Variants in MRC1 observed in about 807,000 individuals in gnomAD.
MRC1 encodes the protein mannose receptor C-type 1.
MRC1 carries 62 observed loss-of-function variants against 102.9 expected under a neutral mutation model. That is an observed-to-expected ratio of 0.60 (90% confidence interval 0.49 to 0.74). The LOEUF (loss-of-function observed/expected upper bound fraction) is 0.74. Among genes scored for constraint, MRC1 ranks in the 30% least tolerant of loss-of-function variants. The pLI, the probability that MRC1 is intolerant of heterozygous loss-of-function variation, is 0.00. For synonymous variants in MRC1, 457 were observed against 298.4 expected (o/e 1.53, Z -5.48); for missense variants, 1,237 against 862.8 (o/e 1.43, Z -5.43).
intron 4 of MRC1, among the ~76,000 whole-genome samples, chr10:17,834,324 C>T (rs1838627780): frequency 1.3e-5 from 2 of 152,196 alleles, no homozygotes; most frequent in Admixed American, 6.5e-5. Context: ...TCCTGTCCCT[C>T]GAACCCCCAG....
intron 28 of MRC1, 100 bp from the exon 29 acceptor site, chr10:17,909,206 T>C: frequency 1.4e-6 from 1 of 730,352 alleles, no homozygotes; most frequent in Non-Finnish European, 2.5e-6. Context: ...TCAACACACA[T>C]CAAATGTGGA....
In MRC1 at chr10:17,900,884, G is replaced by A. The variant is rs1011252542; in HGVS notation, c.3580G>A (p.Asp1194Asn). Residue 1194 changes from aspartate to asparagine, a missense_variant, in exon 25 of 30, where the codon GAT becomes AAT. Transcript: ENST00000569591. ...PKLKSACVYL[D>N]LDGYWKTAHC... ...ATTGAAATCAGCATGTGTTTATCTG[G>A]ATCTTGATGGCTACTGGAAGACAGC... 365 of 780,788 alleles carry A rather than the reference G, an allele frequency of 4.7e-4. No individual in the cohort carries two copies. Among genetic ancestry groups the A allele is most frequent in the Non-Finnish European group, 7.4e-4 (311 of 417,946 alleles). The allele number at this position is 780,788 out of a possible 1,614,324, so 48.4% of individuals were successfully genotyped here. A position where few individuals can be genotyped will look rare whatever the true frequency, so the allele number is the denominator to read the frequency against.
At chr10:17,871,221 T>G (rs918198119) in intron 14 of MRC1, among the ~76,000 whole-genome samples, 3,128 of 152,278 alleles carry the variant, frequency 0.021, 95 homozygotes, top group African/African-American at 0.071. Context: ...TGGCACGTGC[T>G]GGCAATATTT....
chr10:17,903,978 A>T (rs1431582877), intron 26 of MRC1, among the ~76,000 whole-genome samples: 2 of 152,114 alleles, frequency 1.3e-5, no homozygotes, highest in Non-Finnish European at 2.9e-5. Context: ...TCTGGTTCAT[A>T]TTAATATACA....
At chr10:17,879,863 G>A (rs782291171) in intron 19 of MRC1, 42 bp downstream of exon 19, 10 of 780,684 alleles carry the variant, frequency 1.3e-5, no homozygotes, top group Admixed American at 3.4e-5. Flanking sequence ...GTGGCGTGGC[G>A]TGTCATTTGC....
intron 1 of MRC1, among the ~76,000 whole-genome samples, 196 bp from the exon 2 acceptor site, chr10:17,822,878 T>C (rs1016823469): frequency 6.6e-5 from 10 of 152,060 alleles, no homozygotes; most frequent in African/African-American, 9.7e-5. Flanking sequence ...CAGTCCAGGT[T>C]CTCCTTCCAG....
At chr10:17,909,610 G>A (rs1833942536) in intron 29 of MRC1, among the ~76,000 whole-genome samples, 2 of 151,264 alleles carry the variant, frequency 1.3e-5, no homozygotes, top group African/African-American at 2.4e-5. Flanking sequence ...TGAACCCATG[G>A]AAGAAATTTC....
At chr10:17,867,295 GTTCCTTC>G (rs1376092351) in intron 12 of MRC1, among the ~76,000 whole-genome samples, 4 of 118,216 alleles carry the variant, frequency 3.4e-5, no homozygotes, top group South Asian at 2.7e-4. Flanking sequence ...TTCTTTCTTC[GTTCCTTC>G]TTCCTTCTTC....
chr10:17,877,407 A>C (rs1299585276), intron 17 of MRC1, among the ~76,000 whole-genome samples: 2 of 149,926 alleles, frequency 1.3e-5, no homozygotes, highest in African/African-American at 4.9e-5. Context: ...CCTCCCAAGT[A>C]GCTGGGACTA....
At chr10:17,904,890 C>CT (rs1833876188) in intron 26 of MRC1, among the ~76,000 whole-genome samples, 1 of 152,184 alleles carries the variant, frequency 6.6e-6, no homozygotes, top group African/African-American at 2.4e-5. Context: ...ATCCCATTCC[C>CT]TAGCTTTTCC....
chr10:17,880,135 T>C (rs2130689850), intron 19 of MRC1, among the ~76,000 whole-genome samples: 1 of 152,336 alleles, frequency 6.6e-6, no homozygotes, highest in South Asian at 2.1e-4. Context: ...CTCCTTATTA[T>C]TCTGCAAAAT....
At chr10:17,818,654 C>T (rs1838348461) in intron 1 of MRC1, among the ~76,000 whole-genome samples, 1 of 152,028 alleles carries the variant, frequency 6.6e-6, no homozygotes, top group Non-Finnish European at 1.5e-5. Flanking sequence ...ACTAAAAATA[C>T]AAAAATTAGG....
intron 21 of MRC1, 23 bp downstream of exon 21, chr10:17,881,204 A>T (rs1833510945): frequency 2.6e-6 from 2 of 778,114 alleles, no homozygotes; most frequent in Non-Finnish European, 4.8e-6. Context: ...TTTTGCAATT[A>T]GTTGTGTGTT....
At chr10:17,850,262 T>TTTTTG (rs1838894097) in intron 7 of MRC1, among the ~76,000 whole-genome samples, 1 of 150,624 alleles carries the variant, frequency 6.6e-6, no homozygotes, top group African/African-American at 2.4e-5. Context: ...AGGAGTTTTT[T>TTTTTG]TTTTTTTGAA....
Position 17,900,967 on chromosome 10 carries a change from TAA to T in MRC1, c.3649+18_3649+19del, listed in dbSNP as rs1177389995. The T allele has an allele frequency of 2.6e-6, 2 of 778,686 alleles. No homozygotes were observed. The highest frequency in any genetic ancestry group is 4.8e-6 in the Non-Finnish European group (2 of 417,016). 48.2% of individuals were successfully genotyped at this position (778,686 alleles called of 1,614,324 possible). On this transcript the variant is annotated intron_variant, in intron 25 of 29. Coordinates refer to ENST00000569591, the MANE Select transcript of MRC1 (RefSeq NM_002438.4). ...AAAGATCAGATGGTAATTGAATATA[TAA>T]AAACAGTCAGGGGATCTGAAAATTT...
chr10:17,826,461 C>T (rs1434391712), intron 2 of MRC1, among the ~76,000 whole-genome samples: 1 of 152,304 alleles, frequency 6.6e-6, no homozygotes, highest in African/African-American at 2.4e-5. Context: ...CTTGGCCTCT[C>T]AAAGCGCTGG....
At chr10:17,879,080 G>A (rs1833476830) in intron 18 of MRC1, among the ~76,000 whole-genome samples, 1 of 152,122 alleles carries the variant, frequency 6.6e-6, no homozygotes. Flanking sequence ...CTCCATGGGT[G>A]GTTTGGTTTT....
At chr10:17,875,067 G>A (rs1186690186) in intron 16 of MRC1, 23 bp from the exon 17 acceptor site, 19 of 780,612 alleles carry the variant, frequency 2.4e-5, no homozygotes, top group Non-Finnish European at 3.8e-5. Flanking sequence ...AAAACTCATT[G>A]CCTTTTCTCA....
At chr10:17,866,452 C>A in intron 11 of MRC1, 110 bp from the exon 12 acceptor site, 1 of 776,248 alleles carries the variant, frequency 1.3e-6, no homozygotes, top group South Asian at 1.4e-5. Flanking sequence ...CATCTGAGAT[C>A]ATAATTGGGC....
Sources: gnomAD v4.1 joint callset for allele counts (sites outside exome capture counted in the v4.1 genomes callset) on GRCh38, gnomAD v4.1.1 for gene constraint, MANE v1.5 for transcripts, NCBI Gene and HGNC (gene_info 2026-07-23, HGNC 2026-07-21) for gene names.